UROS: variants seen among roughly 807,000 people sequenced by gnomAD.
UROS encodes uroporphyrinogen III synthase, also known as uroporphyrinogen-III synthase.
In UROS, 18 loss-of-function variants were observed where a neutral mutation model predicts 33.0. The ratio of observed to expected loss-of-function variants is 0.55; its 90% confidence interval spans 0.38 to 0.81. The LOEUF (loss-of-function observed/expected upper bound fraction) is 0.81, where lower values mean the gene tolerates loss of function less well. Ranked by LOEUF, UROS falls within the 30% of genes least tolerant of loss-of-function variation. The pLI, the probability that UROS is intolerant of heterozygous loss-of-function variation, is 0.00. For missense variants in UROS, 293 were observed against 314.9 expected (o/e 0.93, Z 0.53); for synonymous variants, 114 against 121.1 (o/e 0.94, Z 0.38).
intron 5 of UROS, among the ~76,000 whole-genome samples, chr10:125,809,859 C>A (rs539154485): frequency 1.1e-3 from 169 of 152,254 alleles, no homozygotes; most frequent in Non-Finnish European, 1.7e-3. Flanking sequence ...GCCACTGCAC[C>A]CAGCCAGCAT....
chr10:125,787,748 T>C (rs1220017134), downstream of UROS, among the ~76,000 whole-genome samples: 1 of 152,168 alleles, frequency 6.6e-6, no homozygotes, highest in Non-Finnish European at 1.5e-5. Flanking sequence ...ACCATCACCA[T>C]AATCCCGTTT....
intron 1 of UROS, among the ~76,000 whole-genome samples, chr10:125,817,220 A>G (rs970247689): frequency 2.9e-5 from 3 of 102,846 alleles, no homozygotes; most frequent in Non-Finnish European, 5.9e-5. Flanking sequence ...TTGTTTATAG[A>G]TGTATTTTTT....
chr10:125,808,392 A>G (rs534478365), intron 5 of UROS, among the ~76,000 whole-genome samples: 16 of 152,344 alleles, frequency 1.1e-4, no homozygotes, highest in African/African-American at 3.6e-4. Flanking sequence ...CAAAAGAAAA[A>G]TAAAGCTGTA....
intron 1 of UROS, among the ~76,000 whole-genome samples, chr10:125,818,191 T>C (rs981954332): frequency 1.3e-5 from 2 of 152,192 alleles, no homozygotes; most frequent in Non-Finnish European, 2.9e-5. Context: ...GCATTTCTAA[T>C]ATAAAATTAG....
chr10:125,807,639 G>C, intron 5 of UROS, 152 bp from the exon 6 acceptor site: 1 of 708,804 alleles, frequency 1.4e-6, no homozygotes, highest in Admixed American at 2.1e-5. Flanking sequence ...AAGATCACAA[G>C]TGTCTGTTCA....
chr10:125,800,687 G>A (rs952681798), intron 6 of UROS, among the ~76,000 whole-genome samples: 3 of 151,508 alleles, frequency 2.0e-5, no homozygotes, highest in Admixed American at 2.0e-4. Flanking sequence ...TCAGCCTCCT[G>A]AGTAGCTGGG....
intron 6 of UROS, among the ~76,000 whole-genome samples, chr10:125,804,425 T>A (rs932648700): frequency 6.6e-6 from 1 of 152,208 alleles, no homozygotes; most frequent in Admixed American, 6.5e-5. Context: ...GTCCTTGTTA[T>A]CTCCTTTATA....
chr10:125,795,108 C>T (rs767127630), intron 8 of UROS, 130 bp from the exon 9 acceptor site: 11 of 802,752 alleles, frequency 1.4e-5, no homozygotes, highest in Middle Eastern at 2.7e-4. Flanking sequence ...GAGTGGTTCC[C>T]GGCTGATGCT....
At chr10:125,796,702 C>T in intron 7 of UROS, 1 of 849,928 alleles carries the variant, frequency 1.2e-6, no homozygotes, top group Non-Finnish European at 1.4e-6. Context: ...GACTTTCCCA[C>T]ATTCCTCCCT....
intron 6 of UROS, among the ~76,000 whole-genome samples, chr10:125,806,720 C>T (rs957101672): frequency 2.0e-5 from 3 of 152,112 alleles, no homozygotes; most frequent in Non-Finnish European, 2.9e-5. Context: ...TGATCTTACA[C>T]CTACAGCAGA....
At chr10:125,797,717 G>C (rs1235851297) in intron 7 of UROS, among the ~76,000 whole-genome samples, 2 of 152,200 alleles carry the variant, frequency 1.3e-5, no homozygotes, top group Non-Finnish European at 2.9e-5. Context: ...TACATTTGTA[G>C]ACTTTCTTCT....
intron 1 of UROS, among the ~76,000 whole-genome samples, chr10:125,819,543 C>T (rs755034560): frequency 2.6e-5 from 4 of 152,126 alleles, no homozygotes; most frequent in Non-Finnish European, 4.4e-5. Flanking sequence ...TACTAAACAA[C>T]CCCCAGAACA....
chr10:125,788,521 C>T (rs1322339646), downstream of UROS: 7 of 1,179,496 alleles, frequency 5.9e-6, no homozygotes, highest in Non-Finnish European at 4.2e-6. Context: ...GGTGGGCATA[C>T]CTGTCTCCTC....
chr10:125,796,338 A>G, intron 7 of UROS, 150 bp from the exon 8 acceptor site: 1 of 812,864 alleles, frequency 1.2e-6, no homozygotes, highest in South Asian at 1.4e-5. Context: ...GACTCAGCAG[A>G]GAGGCCTTGA....
intron 1 of UROS, among the ~76,000 whole-genome samples, chr10:125,820,253 G>A (rs1336588264): frequency 6.6e-6 from 1 of 152,162 alleles, no homozygotes; most frequent in East Asian, 1.9e-4. Context: ...CTGCAAGCTG[G>A]AGACTTGTTA....
At chr10:125,817,804 T>C (rs1314928024) in intron 1 of UROS, among the ~76,000 whole-genome samples, 1 of 152,152 alleles carries the variant, frequency 6.6e-6, no homozygotes, top group Non-Finnish European at 1.5e-5. Context: ...GGCTCCAAAG[T>C]CTGTGCTTTT....
chr10:125,785,135 T>C (rs957582220), downstream of UROS: 33 of 152,258 alleles, frequency 2.2e-4, no homozygotes, highest in African/African-American at 7.7e-4. Context: ...GATATGTCTT[T>C]TACACTCAAG....
At chr10:125,800,521 T>C (rs115763473) in intron 6 of UROS, among the ~76,000 whole-genome samples, 2,408 of 151,978 alleles carry the variant, frequency 0.016, 60 homozygotes, top group African/African-American at 0.053. Flanking sequence ...AGAAACCTGC[T>C]TGGAGAATCC....
At chr10:125,802,020 T>C (rs1851874117) in intron 6 of UROS, 3 of 985,300 alleles carry the variant, frequency 3.0e-6, no homozygotes, top group Non-Finnish European at 3.6e-6. Context: ...ATAGAAATAA[T>C]TACTATTCTT....
Sources: allele counts gnomAD v4.1 joint callset (sites outside exome capture counted in the v4.1 genomes callset), GRCh38; gene constraint gnomAD v4.1.1; transcripts MANE v1.5; gene names NCBI Gene and HGNC (gene_info 2026-07-23, HGNC 2026-07-21).